ABCB5: variants seen among roughly 807,000 people sequenced by gnomAD.
ABCB5 encodes ATP binding cassette subfamily B member 5.
Under a neutral mutation model 144.2 loss-of-function variants are expected in ABCB5, and 155 were observed. The observed-to-expected ratio is 1.08, with a 90% CI of 0.94 to 1.23. ABCB5 has a LOEUF of 1.23. ABCB5 is among the 50% of genes most tolerant of loss of function. ABCB5 has a pLI of 0.00. For synonymous variants in ABCB5, 610 were observed against 528.6 expected (o/e 1.15, Z -2.11); for missense variants, 1,830 against 1,520.8 (o/e 1.20, Z -3.38).
chr7:20,624,952 T>C (rs1016432589), intron 2 of ABCB5, among the ~76,000 whole-genome samples: 1 of 152,234 alleles, frequency 6.6e-6, no homozygotes, highest in Admixed American at 6.5e-5. Flanking sequence ...CACATGTTGC[T>C]TTCTTATGTC....
intron 19 of ABCB5, among the ~76,000 whole-genome samples, chr7:20,703,545 C>A (rs1458538828): frequency 1.3e-5 from 2 of 152,216 alleles, no homozygotes; most frequent in Non-Finnish European, 2.9e-5. Context: ...GCACAGCCCT[C>A]AACCTGCTAT....
At chr7:20,682,183 G>A (rs770159826) in intron 15 of ABCB5, among the ~76,000 whole-genome samples, 8 of 151,964 alleles carry the variant, frequency 5.3e-5, no homozygotes, top group African/African-American at 7.3e-5. Context: ...CCAGCCTGCC[G>A]ACAGAGCGAG....
intron 14 of ABCB5, among the ~76,000 whole-genome samples, chr7:20,668,783 C>T (rs1266089934): frequency 6.9e-4 from 94 of 136,834 alleles, no homozygotes; most frequent in African/African-American, 2.5e-3. Flanking sequence ...CGCCTCTGCC[C>T]GGCCGCCCCT....
At chr7:20,674,784 AAACT>A in intron 14 of ABCB5, among the ~76,000 whole-genome samples, 1 of 150,708 alleles carries the variant, frequency 6.6e-6, no homozygotes, top group East Asian at 2.0e-4. Context: ...ACACACACAC[AAACT>A]GTTAGAACTA....
chr7:20,654,097 C>G (rs1784690421), intron 13 of ABCB5, among the ~76,000 whole-genome samples: 1 of 152,120 alleles, frequency 6.6e-6, no homozygotes, highest in Non-Finnish European at 1.5e-5. Context: ...CAAATTCACC[C>G]CAAGGAAACC....
chr7:20,690,833 T>C (rs1443202932), intron 16 of ABCB5, among the ~76,000 whole-genome samples: 7 of 152,158 alleles, frequency 4.6e-5, no homozygotes, highest in Admixed American at 1.3e-4. Context: ...CAGGAGAGTG[T>C]TGTATCATAG....
chr7:20,673,356 G>A (rs1400720651), intron 14 of ABCB5, among the ~76,000 whole-genome samples: 1 of 151,796 alleles, frequency 6.6e-6, no homozygotes, highest in African/African-American at 2.4e-5. Flanking sequence ...CTGAGAGAAG[G>A]GTATTTAATT....
intron 14 of ABCB5, among the ~76,000 whole-genome samples, chr7:20,661,257 C>T (rs989857937): frequency 6.6e-6 from 1 of 152,352 alleles, no homozygotes; most frequent in East Asian, 1.9e-4. Context: ...TCCTACCATT[C>T]GCCCCAACAA....
At chr7:20,677,675 G>A (rs920623999) in intron 14 of ABCB5, among the ~76,000 whole-genome samples, 1 of 152,172 alleles carries the variant, frequency 6.6e-6, no homozygotes, top group Non-Finnish European at 1.5e-5. Context: ...GTTGCAGTGA[G>A]CTGAGATCAC....
intron 20 of ABCB5, among the ~76,000 whole-genome samples, chr7:20,721,374 A>C (rs1781862354): frequency 6.6e-6 from 1 of 152,164 alleles, no homozygotes; most frequent in South Asian, 2.1e-4. Context: ...TTGCATTGTT[A>C]TGAGATTAAA....
intron 21 of ABCB5, among the ~76,000 whole-genome samples, chr7:20,723,562 C>G (rs1411897326): frequency 6.6e-6 from 1 of 152,150 alleles, no homozygotes; most frequent in Non-Finnish European, 1.5e-5. Context: ...GGGAATAATA[C>G]GAGTATTCAC....
intron 22 of ABCB5, 35 bp downstream of exon 22, chr7:20,727,175 A>G: frequency 6.5e-7 from 1 of 1,540,120 alleles, no homozygotes; most frequent in Non-Finnish European, 8.9e-7. Flanking sequence ...CAAAAACTTA[A>G]TTTTGTTCTG....
At chr7:20,752,023 G>A (rs970824885) in intron 26 of ABCB5, among the ~76,000 whole-genome samples, 4 of 152,182 alleles carry the variant, frequency 2.6e-5, no homozygotes, top group African/African-American at 9.7e-5. Context: ...TTATACCACA[G>A]GTTCGTGACA....
chr7:20,650,319 T>C (rs1303341617), intron 12 of ABCB5, among the ~76,000 whole-genome samples, 172 bp downstream of exon 12: 16 of 152,224 alleles, frequency 1.1e-4, no homozygotes, highest in Admixed American at 6.5e-4. Context: ...GAGCCTACTA[T>C]GTGTCAGGCA....
intron 26 of ABCB5, 37 bp from the exon 27 acceptor site, chr7:20,753,323 C>T (rs1401820198): frequency 6.4e-6 from 10 of 1,567,682 alleles, no homozygotes; most frequent in East Asian, 2.3e-5. Flanking sequence ...TTTAAATAAC[C>T]AAGACTTGCT....
rs1299217697 is a variant in ABCB5 at position 20,638,892 on chromosome 7, G to C, written c.315-4292G>C. 6.6e-5 allele frequency among the ~76,000 whole-genome samples: 10 copies of C among 151,996 alleles called. No homozygotes were observed. In the East Asian group the frequency reaches 7.7e-4, roughly 12 times the overall value. ...AGTAGACCTAGGAGTGGAATTGCTG[G>C]GTCATATGGTAAATTTAGGTTTGTC... On this transcript the variant is annotated intron_variant, in intron 5 of 27. Transcript: ENST00000404938.
chr7:20,735,965 GT>G lies in ABCB5; in HGVS notation c.2868-3016del, dbSNP rs1782366845. Among the ~76,000 whole-genome samples the G allele has an allele frequency of 5.3e-5, 8 of 152,256 alleles. No individual in the cohort carries two copies. In the South Asian group the frequency reaches 1.7e-3, roughly 32 times the overall value. On this transcript the variant is annotated intron_variant, in intron 23 of 27. Coordinates refer to ENST00000404938, the MANE Select transcript of ABCB5 (RefSeq NM_001163941.2). The stretch of plus-strand genomic sequence containing the variant: ...ATAAGATCCAAAGAACCAAATAAAT[GT>G]TAGTTGCTTATTTTCTCCTCCTATC...
intron 3 of ABCB5, among the ~76,000 whole-genome samples, chr7:20,627,836 G>A (rs571949846): frequency 8.5e-5 from 13 of 152,142 alleles, no homozygotes; most frequent in South Asian, 2.1e-4. Context: ...GAGCCAGAGC[G>A]TTGAAAATGT....
At chr7:20,684,756 C>G (rs375686018) in intron 15 of ABCB5, among the ~76,000 whole-genome samples, 49 of 152,262 alleles carry the variant, frequency 3.2e-4, no homozygotes, top group African/African-American at 1.1e-3. Flanking sequence ...GTTCATTGTC[C>G]CTTTAAATGA....
Sources: gnomAD v4.1 joint callset for allele counts (sites outside exome capture counted in the v4.1 genomes callset) on GRCh38, gnomAD v4.1.1 for gene constraint, MANE v1.5 for transcripts, NCBI Gene and HGNC (gene_info 2026-07-23, HGNC 2026-07-21) for gene names.